Variants in MCU observed in about 807,000 individuals in gnomAD.
MCU encodes the protein calcium uniporter protein, mitochondrial.
Under a neutral mutation model 45.2 loss-of-function variants are expected in MCU, and 12 were observed. The ratio of observed to expected loss-of-function variants is 0.27; its 90% CI spans 0.17 to 0.43. The LOEUF is 0.43. Among genes scored for constraint, MCU ranks in the 20% least tolerant of loss-of-function variants. The pLI is 1.00. For synonymous variants in MCU, 160 were observed against 165.1 expected (o/e 0.97, Z 0.24); for missense variants, 324 against 436.7 (o/e 0.74, Z 2.30).
intron 1 of MCU, among the ~76,000 whole-genome samples, chr10:72,760,913 G>A (rs1369432362): frequency 6.6e-6 from 1 of 151,862 alleles, no homozygotes; most frequent in African/African-American, 2.4e-5. Flanking sequence ...CTTACAATTA[G>A]TAAATGATAG....
chr10:72,841,564 C>T (rs1845048147), intron 2 of MCU, among the ~76,000 whole-genome samples: 1 of 152,174 alleles, frequency 6.6e-6, no homozygotes, highest in African/African-American at 2.4e-5. Context: ...TCCCAAAGTT[C>T]TGGGATTACA....
chr10:72,750,474 G>A lies in MCU; in HGVS notation c.150+58173G>A, dbSNP rs866063632. On this transcript the variant is annotated intron_variant, in intron 1 of 7. Coordinates refer to ENST00000373053, the MANE Select transcript of MCU (RefSeq NM_138357.3). ...GATTTTTAAGAGCGTTGTTCAGTAC[G>A]CTTATTTAGGCTTCTTGTTAACCAT... Among the ~76,000 whole-genome samples, 10 of 152,238 alleles carry A rather than the reference G, an allele frequency of 6.6e-5. No homozygotes were observed. In the South Asian group the frequency reaches 8.3e-4, roughly 13 times the overall value.
intron 1 of MCU, among the ~76,000 whole-genome samples, chr10:72,732,584 G>A (rs2132686372): frequency 6.6e-6 from 1 of 152,286 alleles, no homozygotes; most frequent in South Asian, 2.1e-4. Context: ...GAATTCCTGT[G>A]GGAATCTGAT....
intron 1 of MCU, among the ~76,000 whole-genome samples, chr10:72,780,958 G>C (rs1317838883): frequency 1.3e-5 from 2 of 151,962 alleles, no homozygotes; most frequent in African/African-American, 4.8e-5. Context: ...CCGTTTAGTT[G>C]GTCTGACTGA....
intron 1 of MCU, among the ~76,000 whole-genome samples, chr10:72,697,495 G>A (rs1200029243): frequency 7.1e-6 from 1 of 140,488 alleles, no homozygotes; most frequent in African/African-American, 2.7e-5. Context: ...GTGCAGTGGT[G>A]TAATCTCGGT....
chr10:72,804,297 C>T lies in MCU; in HGVS notation c.151-30062C>T, dbSNP rs140988036. Among the ~76,000 whole-genome samples, 904 of 151,388 alleles carry T rather than the reference C, an allele frequency of 6.0e-3. 12 individuals are homozygous for T. The highest frequency in any genetic ancestry group is 0.021 in the African/African-American group (852 of 41,328). ...AGAGACAGGGTTTCACCATGTTGGC[C>T]AGGCTGGTCACAAACTCCCAACCTC... On this transcript the variant is annotated intron_variant, in intron 1 of 7. Coordinates refer to ENST00000373053, the MANE Select transcript of MCU (RefSeq NM_138357.3).
intron 1 of MCU, among the ~76,000 whole-genome samples, chr10:72,739,692 T>G (rs1035954592): frequency 4.0e-5 from 6 of 151,890 alleles, no homozygotes; most frequent in Non-Finnish European, 8.8e-5. Flanking sequence ...ATGAAGAACA[T>G]TAAGATTTTT....
At chr10:72,816,532 A>G (rs1456103656) in intron 1 of MCU, among the ~76,000 whole-genome samples, 1 of 152,200 alleles carries the variant, frequency 6.6e-6, no homozygotes, top group East Asian at 1.9e-4. Flanking sequence ...TAATCCCAGC[A>G]CTCAGGAGGC....
At chr10:72,821,673 G>A (rs1844714160) in intron 1 of MCU, among the ~76,000 whole-genome samples, 1 of 152,156 alleles carries the variant, frequency 6.6e-6, no homozygotes, top group African/African-American at 2.4e-5. Flanking sequence ...TACAAGGATA[G>A]AATATCTCTC....
In MCU at chr10:72,826,003, C is replaced by T. The variant is rs144527571; in HGVS notation, c.151-8356C>T. ...GCCCTAGTTGCTTATGCTGGGGTCT[C>T]GTTGAATAATGGTGAAGGGTCTGAC... On this transcript the variant is annotated intron_variant, in intron 1 of 7. Coordinates refer to ENST00000373053, the MANE Select transcript of MCU (RefSeq NM_138357.3). Among the ~76,000 whole-genome samples, 363 of 152,220 alleles carry T rather than the reference C, an allele frequency of 2.4e-3. 3 individuals are homozygous for T. The highest frequency in any genetic ancestry group is 2.7e-3 in the East Asian group (14 of 5,174).
chr10:72,700,058 A>ATTTT (rs71021525), intron 1 of MCU, among the ~76,000 whole-genome samples: 1,832 of 135,364 alleles, frequency 0.014, 41 homozygotes, highest in Middle Eastern at 0.041. Flanking sequence ...TTGGGGTCAA[A>ATTTT]TTTTTTTTTT....
intron 1 of MCU, among the ~76,000 whole-genome samples, chr10:72,763,234 A>G (rs1384095860): frequency 1.3e-5 from 2 of 152,222 alleles, no homozygotes; most frequent in Non-Finnish European, 2.9e-5. Flanking sequence ...GTAAGGTAAC[A>G]TATTCACTAA....
intron 1 of MCU, among the ~76,000 whole-genome samples, chr10:72,759,152 G>A (rs750719584): frequency 6.6e-6 from 1 of 152,106 alleles, no homozygotes; most frequent in Non-Finnish European, 1.5e-5. Flanking sequence ...GGGTTTATTC[G>A]GCCAGGGTTA....
intron 1 of MCU, among the ~76,000 whole-genome samples, chr10:72,707,733 A>G (rs1424253449): frequency 2.6e-5 from 4 of 151,402 alleles, no homozygotes; most frequent in African/African-American, 9.7e-5. Flanking sequence ...TGTTCCGTTA[A>G]CTTGCTGTTT....
chr10:72,877,673 G>A (rs1845637619), intron 6 of MCU, among the ~76,000 whole-genome samples: 1 of 152,064 alleles, frequency 6.6e-6, no homozygotes. Flanking sequence ...CTAGGTAAGG[G>A]TCTAAATAAG....
At chr10:72,832,648 TCAAAA>T (rs1844895408) in intron 1 of MCU, among the ~76,000 whole-genome samples, 1 of 152,020 alleles carries the variant, frequency 6.6e-6, no homozygotes, top group African/African-American at 2.4e-5. Context: ...AGTTAATACC[TCAAAA>T]CAAAACATAG....
intron 2 of MCU, among the ~76,000 whole-genome samples, chr10:72,836,306 C>T (rs1026274470): frequency 6.6e-6 from 1 of 152,050 alleles, no homozygotes. Context: ...TATACTACAG[C>T]TGGAAGGTCA....
At chr10:72,815,669 C>T (rs1030429420) in intron 1 of MCU, among the ~76,000 whole-genome samples, 1 of 152,136 alleles carries the variant, frequency 6.6e-6, no homozygotes, top group Non-Finnish European at 1.5e-5. Flanking sequence ...CGGATGTGCT[C>T]TAGCATGGGA....
Position 72,729,936 on chromosome 10 carries a change from C to A in MCU, c.150+37635C>A, listed in dbSNP as rs76775896. Among the ~76,000 whole-genome samples, 1,031 of 148,698 alleles carry A rather than the reference C, an allele frequency of 6.9e-3. 17 individuals are homozygous for A. The highest frequency in any genetic ancestry group is 0.024 in the African/African-American group (984 of 40,222). The stretch of plus-strand genomic sequence containing the variant: ...TGAGAACCATTGCTGTGTCTCTCTT[C>A]ACTCTCTTCAGCATTCTTTTTTTTT... On this transcript the variant is annotated intron_variant, in intron 1 of 7. Coordinates refer to ENST00000373053, the MANE Select transcript of MCU (RefSeq NM_138357.3).
Sources: gnomAD v4.1 joint callset for allele counts (sites outside exome capture counted in the v4.1 genomes callset) on GRCh38, gnomAD v4.1.1 for gene constraint, MANE v1.5 for transcripts, NCBI Gene and HGNC (gene_info 2026-07-23, HGNC 2026-07-21) for gene names.